Variants in ATAD1 observed in about 807,000 individuals in gnomAD.
ATAD1 encodes outer mitochondrial transmembrane helix translocase.
A neutral mutation model predicts 42.7 loss-of-function variants in ATAD1; 18 were observed. The observed-to-expected ratio is 0.42, with a 90% CI of 0.29 to 0.63. The LOEUF is 0.63. ATAD1 is among the 20% of genes least tolerant of loss of function. The pLI is 0.19. For synonymous variants in ATAD1, 132 were observed against 143.1 expected, an observed-to-expected ratio of 0.92 and a Z score of 0.55; for missense variants, 294 against 440.4, an observed-to-expected ratio of 0.67 and a Z score of 2.98.
At position 87,753,153 on chromosome 10, in the gene ATAD1, A is replaced by C. The variant is rs975843845; in HGVS notation, c.*1534T>G. 6.6e-6 allele frequency: 1 copy of C among 152,168 alleles called. No individual in the cohort carries two copies. Among genetic ancestry groups the C allele is most frequent in the Non-Finnish European group, 1.5e-5 (1 of 67,998 alleles). 9.4% of individuals were successfully genotyped at this position (152,168 alleles called of 1,614,324 possible). A position where few individuals can be genotyped will look rare whatever the true frequency, so the allele number is the denominator to read the frequency against. On this transcript the variant is annotated 3_prime_UTR_variant, in exon 10 of 10. Coordinates refer to ENST00000680024, the MANE Select transcript of ATAD1 (RefSeq NM_001321967.2). ...CCCTTTATTACACATTTATAAAATA[A>C]TAGAATATAGTTATTAAAAATGGGA...
At chr10:87,778,032 T>C (rs1046974794) in intron 5 of ATAD1, among the ~76,000 whole-genome samples, 3 of 152,056 alleles carry the variant, frequency 2.0e-5, no homozygotes, top group Non-Finnish European at 4.4e-5. Flanking sequence ...CTACTTAATC[T>C]TCCTAATCTT....
chr10:87,823,456 A>G (rs1318758548), intron 1 of ATAD1, among the ~76,000 whole-genome samples: 1 of 152,194 alleles, frequency 6.6e-6, no homozygotes, highest in Non-Finnish European at 1.5e-5. Flanking sequence ...GTCTAACCCT[A>G]CTGTAGCCTC....
intron 1 of ATAD1, among the ~76,000 whole-genome samples, chr10:87,840,487 A>T (rs1236163399): frequency 6.6e-6 from 1 of 152,196 alleles, no homozygotes; most frequent in Admixed American, 6.5e-5. Context: ...CCTATCTCTG[A>T]AAAAGAAAAA....
At position 87,817,572 on chromosome 10, in the gene ATAD1, A is replaced by G. The variant is rs1161524127; in HGVS notation, c.-14+595T>C. Among the ~76,000 whole-genome samples the G allele has an allele frequency of 2.0e-5, 3 of 152,196 alleles. No individual in the cohort carries two copies. In the East Asian group the frequency reaches 5.8e-4, roughly 29 times the overall value. ...CATTCACTGTAGTATTTCTCTCCTA[A>G]TTCATTGCAGTATTTCACAAATCGT... On this transcript the variant is annotated intron_variant, in intron 1 of 9. Transcript: ENST00000680024.
At chr10:87,755,697 T>C in intron 9 of ATAD1, among the ~76,000 whole-genome samples, 1 of 151,984 alleles carries the variant, frequency 6.6e-6, no homozygotes, top group East Asian at 1.9e-4. Flanking sequence ...TCACCTGAGG[T>C]CAGGAGTTCG....
At chr10:87,795,846 G>T (rs528526509) in intron 2 of ATAD1, among the ~76,000 whole-genome samples, 11 of 152,268 alleles carry the variant, frequency 7.2e-5, no homozygotes, top group African/African-American at 2.4e-4. Flanking sequence ...CCTTTTGGAA[G>T]AATCAGTTTA....
At chr10:87,807,914 G>A (rs894010365) in intron 2 of ATAD1, among the ~76,000 whole-genome samples, 1 of 151,990 alleles carries the variant, frequency 6.6e-6, no homozygotes, top group African/African-American at 2.4e-5. Flanking sequence ...ACAACAAAAC[G>A]AAAATCTGCC....
intron 1 of ATAD1, 141 bp from the exon 2 acceptor site, chr10:87,814,753 A>T: frequency 1.7e-6 from 1 of 586,490 alleles, no homozygotes; most frequent in Non-Finnish European, 2.5e-6. Context: ...AAAGTGTTTC[A>T]TTTTAAGGAG....
chr10:87,784,522 G>C lies in ATAD1; in HGVS notation c.531C>G (p.Val177=), dbSNP rs764002730. The C allele has an allele frequency of 1.2e-6, 2 of 1,613,772 alleles. No homozygotes were observed. Among genetic ancestry groups the C allele is most frequent in the Non-Finnish European group, 1.7e-6 (2 of 1,179,856 alleles). Reference sequence around the variant, plus strand: ...GTTGTAGCTTTATGGCAAGGGAGAAGACAGCAGCAGCCAATTTCTGAGATT... The same window carrying C: ...GTTGTAGCTTTATGGCAAGGGAGAACACAGCAGCAGCCAATTTCTGAGATT... ...YGESQKLAAA[V]FSLAIKLQPS... The change falls in exon 5 of 10, where the codon GTC becomes GTG. Residue 177 remains valine (V), a synonymous_variant. Coordinates refer to ENST00000680024, the MANE Select transcript of ATAD1 (RefSeq NM_001321967.2).
intron 3 of ATAD1, 61 bp from the exon 4 acceptor site, chr10:87,790,491 G>C: frequency 6.7e-7 from 1 of 1,482,014 alleles, no homozygotes; most frequent in Non-Finnish European, 9.0e-7. Context: ...AAAGTAAAAA[G>C]AACGCTCCCA....
intron 7 of ATAD1, among the ~76,000 whole-genome samples, chr10:87,767,944 T>C (rs1014672656): frequency 7.2e-5 from 11 of 152,148 alleles, no homozygotes; most frequent in African/African-American, 2.7e-4. Flanking sequence ...CCCCAGTGCC[T>C]AGTACAATGT....
chr10:87,835,819 TAAA>T (rs900771055), intron 1 of ATAD1, among the ~76,000 whole-genome samples: 1 of 152,166 alleles, frequency 6.6e-6, no homozygotes, highest in Non-Finnish European at 1.5e-5. Context: ...GTGTCCTTGT[TAAA>T]AAAGTTTTTA....
chr10:87,758,641 T>G (rs1854337888), intron 8 of ATAD1, among the ~76,000 whole-genome samples: 1 of 152,024 alleles, frequency 6.6e-6, no homozygotes, highest in African/African-American at 2.4e-5. Context: ...AAGCAGGAAG[T>G]AAAAGACTGA....
intron 2 of ATAD1, among the ~76,000 whole-genome samples, chr10:87,804,003 T>C (rs886367014): frequency 3.9e-5 from 6 of 152,210 alleles, no homozygotes; most frequent in African/African-American, 1.4e-4. Context: ...TCAGCTCCAG[T>C]AAACCTTGGG....
At chr10:87,837,244 ACT>A (rs1857946319) in intron 1 of ATAD1, among the ~76,000 whole-genome samples, 1 of 151,804 alleles carries the variant, frequency 6.6e-6, no homozygotes, top group African/African-American at 2.4e-5. Context: ...ATATTATAAG[ACT>A]CTGGGTTTTG....
At chr10:87,796,173 CCT>C (rs1856378390) in intron 2 of ATAD1, among the ~76,000 whole-genome samples, 1 of 152,132 alleles carries the variant, frequency 6.6e-6, no homozygotes, top group South Asian at 2.1e-4. Flanking sequence ...TGTACTTATA[CCT>C]CTTTCCTCTC....
At chr10:87,804,324 TG>T (rs1311840543) in intron 2 of ATAD1, among the ~76,000 whole-genome samples, 1 of 152,224 alleles carries the variant, frequency 6.6e-6, no homozygotes, top group African/African-American at 2.4e-5. Flanking sequence ...AAATCTTTCC[TG>T]GCCCTTGATG....
chr10:87,786,491 C>G (rs1855839298), intron 4 of ATAD1, among the ~76,000 whole-genome samples: 1 of 152,156 alleles, frequency 6.6e-6, no homozygotes, highest in Non-Finnish European at 1.5e-5. Flanking sequence ...GTGTTATTAA[C>G]TGAGCAGTTA....
chr10:87,833,431 AT>A (rs951554486), intron 1 of ATAD1, among the ~76,000 whole-genome samples: 1 of 151,866 alleles, frequency 6.6e-6, no homozygotes, highest in Non-Finnish European at 1.5e-5. Flanking sequence ...AGACATTTTT[AT>A]TTCTTCTTTC....
Sources: allele counts gnomAD v4.1 joint callset (sites outside exome capture counted in the v4.1 genomes callset), GRCh38; gene constraint gnomAD v4.1.1; transcripts MANE v1.5; gene names NCBI Gene and HGNC (gene_info 2026-07-23, HGNC 2026-07-21).